ANKRD30A: variants seen among roughly 807,000 people sequenced by gnomAD.
ANKRD30A encodes ankyrin repeat domain 30A.
In ANKRD30A, 170 loss-of-function variants were observed where a neutral mutation model predicts 166.3. That is an observed-to-expected ratio of 1.02 (90% CI 0.90 to 1.16). The LOEUF (loss-of-function observed/expected upper bound fraction) is 1.16. Ranked by LOEUF, ANKRD30A falls within the 50% of genes most tolerant of loss-of-function variation. ANKRD30A has a pLI of 0.00. For synonymous variants in ANKRD30A, 564 were observed against 508.9 expected, an observed-to-expected ratio of 1.11 and a Z score of -1.46; for missense variants, 1,630 against 1,518.0, an observed-to-expected ratio of 1.07 and a Z score of -1.23.
chr10:37,202,114 A>G (rs966916788), intron 31 of ANKRD30A, among the ~76,000 whole-genome samples: 3 of 152,104 alleles, frequency 2.0e-5, no homozygotes, highest in Non-Finnish European at 4.4e-5. Flanking sequence ...AAGAATAGCA[A>G]TTGAATAGAA....
the ANKRD30A span, among the ~76,000 whole-genome samples, chr10:37,245,280 C>T: frequency 6.6e-6 from 1 of 151,870 alleles, no homozygotes; most frequent in Non-Finnish European, 1.5e-5. Context: ...GTGTATTGAA[C>T]TTGATTAGTT....
At chr10:37,140,628 A>G (rs1837029545) in intron 6 of ANKRD30A, among the ~76,000 whole-genome samples, 1 of 152,206 alleles carries the variant, frequency 6.6e-6, no homozygotes, top group Admixed American at 6.5e-5. Context: ...TGTTAATAGT[A>G]ATTTGTTACA....
intron 34 of ANKRD30A, among the ~76,000 whole-genome samples, chr10:37,222,582 G>A (rs1003596182): frequency 2.6e-5 from 4 of 151,148 alleles, no homozygotes; most frequent in African/African-American, 9.7e-5. Context: ...AAGTTATTGT[G>A]TGGGCCTATA....
At chr10:37,172,498 T>C (rs1839653795) in intron 21 of ANKRD30A, among the ~76,000 whole-genome samples, 1 of 139,420 alleles carries the variant, frequency 7.2e-6, no homozygotes, top group Admixed American at 7.0e-5. Flanking sequence ...TGAAACAGTG[T>C]TGTATGGGAA....
At chr10:37,215,882 CAG>C (rs1046743661) in intron 31 of ANKRD30A, among the ~76,000 whole-genome samples, 1 of 151,402 alleles carries the variant, frequency 6.6e-6, no homozygotes, top group African/African-American at 2.4e-5. Context: ...ATACATTCCT[CAG>C]GGGAATTTTC....
chr10:37,206,282 A>G (rs1841988873), intron 31 of ANKRD30A, among the ~76,000 whole-genome samples: 1 of 152,076 alleles, frequency 6.6e-6, no homozygotes, highest in Non-Finnish European at 1.5e-5. Context: ...TGCATTTGGA[A>G]TGTTTGCACT....
At chr10:37,192,818 A>T (rs1840711218) in intron 25 of ANKRD30A, among the ~76,000 whole-genome samples, 1 of 151,936 alleles carries the variant, frequency 6.6e-6, no homozygotes, top group Non-Finnish European at 1.5e-5. Flanking sequence ...TGTCACCTTA[A>T]ATATATTTTC....
intron 24 of ANKRD30A, chr10:37,178,629 T>C (rs1839922039): frequency 4.2e-6 from 4 of 953,176 alleles, no homozygotes; most frequent in Non-Finnish European, 5.0e-6. Flanking sequence ...ATGTTTTTAG[T>C]CAGGGGAGAA....
intron 27 of ANKRD30A, among the ~76,000 whole-genome samples, chr10:37,195,190 C>A (rs1284560959): frequency 6.6e-6 from 1 of 152,174 alleles, no homozygotes; most frequent in African/African-American, 2.4e-5. Context: ...TGCCAAATAA[C>A]AAATGGGCTC....
At chr10:37,249,550 A>G in the ANKRD30A span, among the ~76,000 whole-genome samples, 1 of 152,066 alleles carries the variant, frequency 6.6e-6, no homozygotes, top group Non-Finnish European at 1.5e-5. Context: ...TCATAATTTT[A>G]TGTTGTTTTA....
intron 27 of ANKRD30A, among the ~76,000 whole-genome samples, chr10:37,195,993 C>T (rs1332946672): frequency 5.3e-5 from 8 of 151,304 alleles, no homozygotes; most frequent in Middle Eastern, 3.4e-3. Context: ...ATTTAAGATA[C>T]TATCACTAAA....
intron 5 of ANKRD30A, among the ~76,000 whole-genome samples, chr10:37,135,608 C>T (rs1317296396): frequency 6.6e-6 from 1 of 152,002 alleles, no homozygotes; most frequent in Non-Finnish European, 1.5e-5. Context: ...GTTTTGTCTT[C>T]CACAGCAGCT....
chr10:37,165,516 G>T (rs1306344072), intron 18 of ANKRD30A, among the ~76,000 whole-genome samples: 2 of 152,130 alleles, frequency 1.3e-5, no homozygotes, highest in Non-Finnish European at 2.9e-5. Flanking sequence ...AGGTAGAAAA[G>T]TTCTAATTGT....
chr10:37,178,648 G>C (rs1839923107), intron 24 of ANKRD30A: 1 of 917,876 alleles, frequency 1.1e-6, no homozygotes, highest in African/African-American at 1.8e-5. Flanking sequence ...AAGAAGAAAG[G>C]AGCAATGCAA....
At chr10:37,158,202 A>T (rs1325380916) in intron 13 of ANKRD30A, among the ~76,000 whole-genome samples, 190 bp from the exon 14 acceptor site, 1 of 152,060 alleles carries the variant, frequency 6.6e-6, no homozygotes, top group Non-Finnish European at 1.5e-5. Flanking sequence ...TAGTTTTCAA[A>T]TTTTCTTAGG....
chr10:37,229,382 G>A (rs946637727), intron 34 of ANKRD30A, among the ~76,000 whole-genome samples: 9 of 151,816 alleles, frequency 5.9e-5, no homozygotes, highest in South Asian at 2.1e-4. Flanking sequence ...GTACATACAC[G>A]TTTATGGGAT....
intron 27 of ANKRD30A, among the ~76,000 whole-genome samples, chr10:37,194,871 G>A (rs1198324921): frequency 1.3e-5 from 2 of 152,104 alleles, no homozygotes; most frequent in Non-Finnish European, 2.9e-5. Flanking sequence ...TTTTACTGAA[G>A]TGGGAGTATT....
At chr10:37,158,334 T>A (rs1389420046) in intron 13 of ANKRD30A, 58 bp from the exon 14 acceptor site, 1 of 1,564,678 alleles carries the variant, frequency 6.4e-7, no homozygotes, top group African/African-American at 1.4e-5. Flanking sequence ...TGTGTGAATG[T>A]TCGGTAGGCT....
At chr10:37,134,147 A>G (rs1836538208) in intron 5 of ANKRD30A, 94 bp downstream of exon 5, 3 of 1,457,452 alleles carry the variant, frequency 2.1e-6, no homozygotes, top group Non-Finnish European at 1.9e-6. Context: ...GCCAGAAACT[A>G]GGCAAAAAGC....
Sources: gnomAD v4.1 joint callset for allele counts (sites outside exome capture counted in the v4.1 genomes callset) on GRCh38, gnomAD v4.1.1 for gene constraint, MANE v1.5 for transcripts, NCBI Gene and HGNC (gene_info 2026-07-23, HGNC 2026-07-21) for gene names.